Variants in FNIP2 observed in about 807,000 individuals in gnomAD.
FNIP2 encodes the protein folliculin-interacting protein 2.
A neutral mutation model predicts 108.7 loss-of-function variants in FNIP2; 32 were observed. That is an observed-to-expected ratio of 0.29 (90% CI 0.22 to 0.40). FNIP2 has a LOEUF of 0.40. FNIP2 is among the 10% of genes least tolerant of loss of function. FNIP2 has a pLI of 1.00. For synonymous variants in FNIP2, 480 were observed against 496.7 expected (o/e 0.97, Z 0.45); for missense variants, 1,202 against 1,381.6 (o/e 0.87, Z 2.06).
At chr4:158,787,065 C>A (rs994909713) in intron 1 of FNIP2, among the ~76,000 whole-genome samples, 8 of 152,028 alleles carry the variant, frequency 5.3e-5, no homozygotes, top group Non-Finnish European at 7.4e-5. Context: ...GCTGATCCAT[C>A]TCCCAAAGTC....
chr4:158,872,394 T>G, intron 14 of FNIP2: 1 of 985,488 alleles, frequency 1.0e-6, no homozygotes, highest in Non-Finnish European at 1.2e-6. Context: ...GTCATTACTC[T>G]TCAAGCTTTT....
chr4:158,893,345 A>T (rs1782410630), intron 15 of FNIP2: 1 of 197,106 alleles, frequency 5.1e-6, no homozygotes, highest in Admixed American at 5.6e-5. Flanking sequence ...TAATTTCCTT[A>T]TCTGCAAAGC....
At position 158,868,620 on chromosome 4, in the gene FNIP2, T is replaced by C. The variant is rs760143267; in HGVS notation, c.1984T>C (p.Ser662Pro). The change falls in exon 13 of 17, where the codon TCT becomes CCT. Residue 662 changes from serine to proline, a missense_variant. By Grantham distance (74) the Ser-to-Pro change is moderately conservative. This residue lies in a region of FNIP2 where 878 missense variants were observed against 990.3 expected (regional missense o/e 0.89). Transcript: ENST00000264433. The surrounding 1 kb of genome is among the most constrained non-coding windows in gnomAD (Gnocchi z 4.6). ...AAATAAAGAGGCACCGCAAGATGGC[T>C]CTTCAAGACTTCCCAGCTGTGAAGT... ...EKNKEAPQDG[S>P]SRLPSCEVLG... The C allele has an allele frequency of 1.2e-6, 2 of 1,613,860 alleles. No individual in the cohort carries two copies. Among genetic ancestry groups the C allele is most frequent in the African/African-American group, 2.7e-5 (2 of 74,942 alleles).
chr4:158,795,254 A>ATT (rs1277708951), intron 1 of FNIP2, among the ~76,000 whole-genome samples: 2 of 152,226 alleles, frequency 1.3e-5, no homozygotes, highest in Non-Finnish European at 2.9e-5. Context: ...ATGAACAGCT[A>ATT]TTTGCAAGGC....
At chr4:158,878,898 A>T (rs966551096) in intron 14 of FNIP2, among the ~76,000 whole-genome samples, 1 of 151,228 alleles carries the variant, frequency 6.6e-6, no homozygotes, top group African/African-American at 2.4e-5. Context: ...ATTGAAAAAT[A>T]GTCCCTGAAA....
In FNIP2 at chr4:158,904,592, C is replaced by T. The variant is rs1729664293; in HGVS notation, c.*48C>T. 2 of 1,488,050 alleles carry T rather than the reference C, an allele frequency of 1.3e-6. No homozygotes were observed. The highest frequency in any genetic ancestry group is 1.7e-5 in the Admixed American group (1 of 59,090). 92.2% of individuals were successfully genotyped at this position (1,488,050 alleles called of 1,614,324 possible). A position where few individuals can be genotyped will look rare whatever the true frequency, so the allele number is the denominator to read the frequency against. On this transcript the variant is annotated 3_prime_UTR_variant, in exon 17 of 17. Transcript: ENST00000264433. ...CCTTGGAAGAAAAAAATCAAATTCTCAACTGAAGGAGAAAGGAATAAGCTC... is the reference window on the plus strand; with the variant it reads ...CCTTGGAAGAAAAAAATCAAATTCTTAACTGAAGGAGAAAGGAATAAGCTC...
At position 158,801,242 on chromosome 4, in the gene FNIP2, T is replaced by C. The variant is rs539262525; in HGVS notation, c.108-24674T>C. The stretch of plus-strand genomic sequence containing the variant: ...TTGGCTTCTGCACAGGAATTGTTTA[T>C]AGGGGTGAGTGAGTAGGGCAGGGTT... On this transcript the variant is annotated intron_variant, in intron 1 of 16. Transcript: ENST00000264433. Among the ~76,000 whole-genome samples, 15 of 152,160 alleles carry C rather than the reference T, an allele frequency of 9.9e-5. No homozygotes were observed. In the East Asian group the frequency reaches 2.9e-3, roughly 29 times the overall value.
intron 1 of FNIP2, among the ~76,000 whole-genome samples, chr4:158,801,965 G>C (rs1230264557): frequency 6.6e-6 from 1 of 152,164 alleles, no homozygotes; most frequent in Admixed American, 6.5e-5. Flanking sequence ...TTCCCCTAAA[G>C]TAGACTGCTT....
intron 1 of FNIP2, among the ~76,000 whole-genome samples, chr4:158,782,805 T>C (rs911578737): frequency 2.0e-5 from 3 of 152,170 alleles, no homozygotes; most frequent in Non-Finnish European, 2.9e-5. Context: ...AGTAATCTTA[T>C]CTACAGAGTG....
At position 158,907,566 on chromosome 4, in the gene FNIP2, A is replaced by G. The variant is rs1729948103; in HGVS notation, c.*3022A>G. Reference sequence around the variant, plus strand: ...ACTAGAGTTGGTTGTACATAAAAATAATAAAGAATATAAAGTATCCCAAAA... The same window carrying G: ...ACTAGAGTTGGTTGTACATAAAAATGATAAAGAATATAAAGTATCCCAAAA... On this transcript the variant is annotated 3_prime_UTR_variant, in exon 17 of 17. Coordinates refer to ENST00000264433, the MANE Select transcript of FNIP2 (RefSeq NM_020840.3). 6.6e-6 allele frequency: 1 copy of G among 152,232 alleles called. No individual in the cohort carries two copies. The highest frequency in any genetic ancestry group is 2.4e-5 in the African/African-American group (1 of 41,468). 9.4% of individuals were successfully genotyped at this position (152,232 alleles called of 1,614,324 possible). A position where few individuals can be genotyped will look rare whatever the true frequency, so the allele number is the denominator to read the frequency against.
chr4:158,873,127 T>C (rs1041695323), intron 14 of FNIP2, among the ~76,000 whole-genome samples: 1 of 150,410 alleles, frequency 6.6e-6, no homozygotes, highest in Non-Finnish European at 1.5e-5. Context: ...AGACTTCATC[T>C]CAAAAATAAA....
At chr4:158,834,294 C>CTCTCTCTCTCTG (rs766333398) in intron 6 of FNIP2, 3 of 139,876 alleles carry the variant, frequency 2.1e-5, no homozygotes, top group African/African-American at 8.6e-5. Flanking sequence ...AGACTTCTCT[C>CTCTCTCTCTCTG]TCTCTCTCTC....
At chr4:158,791,262 G>T (rs1408994228) in intron 1 of FNIP2, among the ~76,000 whole-genome samples, 1 of 141,982 alleles carries the variant, frequency 7.0e-6, no homozygotes, top group Non-Finnish European at 1.5e-5. Flanking sequence ...CTGCACTGAG[G>T]ATCCTTTTTT....
At chr4:158,877,610 T>G (rs938136299) in intron 14 of FNIP2, among the ~76,000 whole-genome samples, 2 of 152,228 alleles carry the variant, frequency 1.3e-5, no homozygotes, top group Admixed American at 6.5e-5. Context: ...ACTAGAAATC[T>G]CCAGTGGTGG....
chr4:158,864,760 T>A (rs1780486373), intron 12 of FNIP2, among the ~76,000 whole-genome samples: 1 of 151,994 alleles, frequency 6.6e-6, no homozygotes, highest in South Asian at 2.1e-4. Context: ...TCCTCCCTCT[T>A]TGTTTTCTTT....
chr4:158,782,473 A>G (rs1207215443), intron 1 of FNIP2, among the ~76,000 whole-genome samples: 1 of 151,716 alleles, frequency 6.6e-6, no homozygotes, highest in Non-Finnish European at 1.5e-5. Context: ...AACCTACCAG[A>G]TACATAACTA....
At chr4:158,898,502 C>T (rs995990213) in intron 16 of FNIP2, among the ~76,000 whole-genome samples, 1 of 152,164 alleles carries the variant, frequency 6.6e-6, no homozygotes, top group Non-Finnish European at 1.5e-5. Context: ...TTTGTGTCCT[C>T]TCTTATTTCC....
chr4:158,851,481 A>C (rs1308888386), intron 8 of FNIP2, 31 bp downstream of exon 8: 1 of 1,613,526 alleles, frequency 6.2e-7, no homozygotes, highest in Non-Finnish European at 8.5e-7. Flanking sequence ...TGCTGAGAAA[A>C]GTAGGAGTGT....
intron 1 of FNIP2, among the ~76,000 whole-genome samples, chr4:158,782,816 C>G (rs944331313): frequency 1.3e-5 from 2 of 152,088 alleles, no homozygotes; most frequent in African/African-American, 4.8e-5. Flanking sequence ...CTACAGAGTG[C>G]TAAATACTGC....
Sources: allele counts gnomAD v4.1 joint callset (sites outside exome capture counted in the v4.1 genomes callset), GRCh38; gene constraint gnomAD v4.1.1; regional missense constraint gnomAD v4.1.1; non-coding constraint Gnocchi (gnomAD v3.1); transcripts MANE v1.5; gene names NCBI Gene and HGNC (gene_info 2026-07-23, HGNC 2026-07-21).